DDB2: variants seen among roughly 807,000 people sequenced by gnomAD.
DDB2 encodes damage specific DNA binding protein 2.
DDB2 carries 27 observed loss-of-function variants against 50.5 expected under a neutral mutation model. That is an observed-to-expected ratio of 0.53 (90% CI 0.39 to 0.74). The LOEUF (loss-of-function observed/expected upper bound fraction) is 0.74, where lower values mean the gene tolerates loss of function less well. DDB2 is among the 30% of genes least tolerant of loss of function. The probability of loss-of-function intolerance (pLI) is 0.00; values close to 1 mark genes in which losing one functional copy is unlikely to be tolerated. For missense variants in DDB2, 424 were observed against 545.6 expected (o/e 0.78, Z 2.22); for synonymous variants, 176 against 205.5 (o/e 0.86, Z 1.23).
In DDB2 at chr11:47,229,174, T is replaced by C. The variant is rs1953607927; in HGVS notation, c.457-3640T>C. On this transcript the variant is annotated intron_variant, in intron 3 of 9. Transcript: ENST00000256996. ...CCCCTGAAGCTGAGGTGAATGTCAT[T>C]ACAGGTGGCAGGTGGCAGCTCAGTA... Among the ~76,000 whole-genome samples the C allele has an allele frequency of 2.0e-5, 3 of 151,932 alleles. No homozygotes were observed. In the South Asian group the frequency reaches 6.2e-4, roughly 31 times the overall value.
In DDB2 at chr11:47,234,930, CG is replaced by C; in HGVS notation, c.877del (p.Ala293GlnfsTer12). On this transcript the variant is annotated frameshift_variant, in exon 6 of 10. Transcript: ENST00000256996. LOFTEE classifies it high-confidence loss of function. Reference protein sequence around the residue: ...YSLPHRHPVNAACFSPDGARL... With the variant: ...YSLPHRHPVNXACFSPDGARL... The stretch of plus-strand genomic sequence containing the variant: ...CGCTGCCGCACAGGCATCCTGTCAA[CG>C]CAGGTGTGATATCCCAGACCTCATC... 1 of 1,614,188 alleles carries C rather than the reference CG, an allele frequency of 6.2e-7. No homozygotes were observed. Among genetic ancestry groups the C allele is most frequent in the Non-Finnish European group, 8.5e-7 (1 of 1,180,022 alleles).
chr11:47,232,817 G>T lies in DDB2; in HGVS notation c.460G>T (p.Gly154Ter). The change falls in exon 4 of 10, where the codon GGA (glycine) becomes TGA (stop). Residue 154 changes from glycine to a stop codon, truncating the protein, a stop_gained. Coordinates refer to ENST00000256996, the MANE Select transcript of DDB2 (RefSeq NM_000107.3). LOFTEE classifies it high-confidence loss of function. The part of the protein sequence containing the change: ...KDKPTFIKGI[G>*]AGGSITGLKF... ...GCTTTTTCCTTCCTCGTGTTAGATT[G>T]GAGCTGGAGGGAGCATCACTGGGCT... The T allele has an allele frequency of 6.2e-7, 1 of 1,613,530 alleles. No individual in the cohort carries two copies. The highest frequency in any genetic ancestry group is 8.5e-7 in the Non-Finnish European group (1 of 1,180,004).
chr11:47,235,788 G>A (rs550948806), intron 7 of DDB2: 66 of 250,980 alleles, frequency 2.6e-4, no homozygotes, highest in Admixed American at 2.2e-3. Context: ...GCAGGGTCTC[G>A]CTCTGTCACC....
intron 7 of DDB2, chr11:47,235,994 A>C (rs1466547539): frequency 3.0e-5 from 4 of 135,482 alleles, no homozygotes; most frequent in African/African-American, 1.1e-4. Context: ...GTGCAGTGGC[A>C]CAAACATAGC....
intron 7 of DDB2, chr11:47,237,625 C>T (rs530406024): frequency 2.7e-5 from 14 of 523,920 alleles, no homozygotes; most frequent in Non-Finnish European, 3.9e-5. Flanking sequence ...TTAGTAGGGA[C>T]GGGGTTTCAC....
chr11:47,232,081 C>T (rs1424768054), intron 3 of DDB2, among the ~76,000 whole-genome samples: 11 of 152,106 alleles, frequency 7.2e-5, no homozygotes, highest in African/African-American at 2.2e-4. Flanking sequence ...CGGTGGCTCA[C>T]GCCTGTAATC....
intron 7 of DDB2, among the ~76,000 whole-genome samples, chr11:47,236,726 C>T (rs1167473517): frequency 6.6e-6 from 1 of 152,174 alleles, no homozygotes; most frequent in Admixed American, 6.5e-5. Flanking sequence ...TATTGAGTGG[C>T]CCCCACGTAC....
intron 3 of DDB2, among the ~76,000 whole-genome samples, chr11:47,226,808 C>T (rs1355071002): frequency 7.0e-6 from 1 of 142,868 alleles, no homozygotes; most frequent in African/African-American, 2.7e-5. Flanking sequence ...GTGGCACAAT[C>T]ATAGCTCACT....
chr11:47,216,522 A>G (rs1953402948), intron 2 of DDB2, 50 bp downstream of exon 2: 1 of 1,610,524 alleles, frequency 6.2e-7, no homozygotes, highest in Non-Finnish European at 8.5e-7. Context: ...GTGCATTTTT[A>G]CTATTGCATG....
intron 3 of DDB2, among the ~76,000 whole-genome samples, chr11:47,227,294 A>C (rs1210976869): frequency 6.6e-6 from 1 of 150,656 alleles, no homozygotes; most frequent in Non-Finnish European, 1.5e-5. Flanking sequence ...TTTAGTAGAG[A>C]CAGGGTTTCA....
chr11:47,215,992 G>GTGACCCAGTCCCATCTCGAGTTT (rs1590987899), intron 1 of DDB2: 1 of 404,832 alleles, frequency 2.5e-6, no homozygotes, highest in East Asian at 5.5e-5. Context: ...TTATAAAATT[G>GTGACCCAGTCCCATCTCGAGTTT]TGACCCAGTC....
chr11:47,231,572 A>G (rs1953650268), intron 3 of DDB2, among the ~76,000 whole-genome samples: 1 of 152,140 alleles, frequency 6.6e-6, no homozygotes, highest in Admixed American at 6.5e-5. Flanking sequence ...CACCCACGCT[A>G]GAGTGCAGTG....
Position 47,238,782 on chromosome 11 carries a change from T to G in DDB2, c.1235-18T>G. ...TGGTAACAGAAAGTGTAAGTCAGAC[T>G]GGTCTCACTCTTCCTAGGTTACCAC... On this transcript the variant is annotated intron_variant, in intron 9 of 9. Transcript: ENST00000256996. The G allele has an allele frequency of 6.2e-7, 1 of 1,613,332 alleles. No individual in the cohort carries two copies. The highest frequency in any genetic ancestry group is 8.5e-7 in the Non-Finnish European group (1 of 1,179,572).
intron 1 of DDB2, 115 bp downstream of exon 1, chr11:47,215,378 C>T (rs1157442732): frequency 6.5e-7 from 1 of 1,536,152 alleles, no homozygotes; most frequent in Non-Finnish European, 8.9e-7. Context: ...TCACGGGTGC[C>T]TCCGGCTGTG....
At chr11:47,218,384 C>A in intron 3 of DDB2, among the ~76,000 whole-genome samples, 1 of 152,114 alleles carries the variant, frequency 6.6e-6, no homozygotes, top group South Asian at 2.1e-4. Context: ...TGTATACATA[C>A]GAGGTAATTA....
rs771533958 is a variant in DDB2 at position 47,216,346 on chromosome 11, A to G, written c.138A>G (p.Arg46=). ...KLCAKGSGPS[R]RCDSDCLWVG... is the part of the protein sequence containing the mutation. ...TGTTCTGCTTGGCAGGTCCTAGCAG[A>G]AGATGTGACTCAGACTGCCTCTGGG... The change falls in exon 2 of 10, where the codon AGA becomes AGG. Residue 46 remains arginine, a synonymous_variant. Transcript: ENST00000256996. 27 of 1,614,036 alleles carry G rather than the reference A, an allele frequency of 1.7e-5. No individual in the cohort carries two copies. Among genetic ancestry groups the G allele is most frequent in the Non-Finnish European group, 1.8e-5 (21 of 1,180,008 alleles).
At chr11:47,231,052 G>A (rs540373978) in intron 3 of DDB2, among the ~76,000 whole-genome samples, 1 of 149,736 alleles carries the variant, frequency 6.7e-6, no homozygotes, top group African/African-American at 2.5e-5. Context: ...TCCAGGAGGT[G>A]GAGGCTGCAG....
intron 3 of DDB2, among the ~76,000 whole-genome samples, chr11:47,223,907 C>G (rs1318362470): frequency 6.6e-6 from 1 of 152,146 alleles, no homozygotes; most frequent in African/African-American, 2.4e-5. Flanking sequence ...GACTTTAAGA[C>G]CAGCCTAGGA....
At chr11:47,234,125 G>C (rs1953689412) in intron 4 of DDB2, among the ~76,000 whole-genome samples, 1 of 152,164 alleles carries the variant, frequency 6.6e-6, no homozygotes, top group Admixed American at 6.6e-5. Context: ...GTGTTCAGAA[G>C]GGGGCAGAAG....
Sources: gnomAD v4.1 joint callset for allele counts (sites outside exome capture counted in the v4.1 genomes callset) on GRCh38, gnomAD v4.1.1 for gene constraint, MANE v1.5 for transcripts, NCBI Gene and HGNC (gene_info 2026-07-23, HGNC 2026-07-21) for gene names.